GABRA5: variants seen among roughly 807,000 people sequenced by gnomAD.
The protein encoded by GABRA5 is gamma-aminobutyric acid receptor subunit alpha-5.
A neutral mutation model predicts 47.3 loss-of-function variants in GABRA5; 18 were observed. That is an observed-to-expected ratio of 0.38 (90% CI 0.26 to 0.56). GABRA5 has a LOEUF of 0.56. GABRA5 is among the 20% of genes least tolerant of loss of function. The pLI is 0.71. For missense variants in GABRA5, 365 were observed against 599.3 expected (o/e 0.61, Z 4.08); for synonymous variants, 237 against 229.3 (o/e 1.03, Z -0.30).
intron 7 of GABRA5, among the ~76,000 whole-genome samples, chr15:26,918,135 G>C (rs1344909404): frequency 6.6e-6 from 1 of 151,806 alleles, no homozygotes; most frequent in African/African-American, 2.4e-5. Context: ...AAGGAGTTAG[G>C]TTGTTTATAA....
chr15:26,931,649 A>G (rs1041282788), intron 7 of GABRA5, among the ~76,000 whole-genome samples: 1 of 152,232 alleles, frequency 6.6e-6, no homozygotes. Flanking sequence ...CTTTTGGAAA[A>G]TTGGGTTAAA....
At chr15:26,885,298 C>CAAA (rs56883238) in intron 6 of GABRA5, among the ~76,000 whole-genome samples, 28 of 105,582 alleles carry the variant, frequency 2.7e-4, no homozygotes, top group African/African-American at 8.0e-4. Flanking sequence ...GACTCCGTTT[C>CAAA]AAAAAAAAAA....
At chr15:26,889,491 G>A (rs1317328485) in intron 6 of GABRA5, among the ~76,000 whole-genome samples, 4 of 151,824 alleles carry the variant, frequency 2.6e-5, no homozygotes, top group Admixed American at 1.3e-4. Context: ...TTCCTTAAAC[G>A]GCCACTTGAG....
intron 6 of GABRA5, among the ~76,000 whole-genome samples, chr15:26,897,396 G>A (rs1893224341): frequency 6.6e-6 from 1 of 152,104 alleles, no homozygotes; most frequent in Non-Finnish European, 1.5e-5. Context: ...TGCAAGCCAA[G>A]CACAGAGGCC....
intron 7 of GABRA5, among the ~76,000 whole-genome samples, chr15:26,934,735 G>A (rs1033733978): frequency 6.6e-6 from 1 of 152,180 alleles, no homozygotes; most frequent in Non-Finnish European, 1.5e-5. Flanking sequence ...GGTAGTGAGT[G>A]TCAGGCCCAT....
At position 26,933,263 on chromosome 15, in the gene GABRA5, G is replaced by A. The variant is rs182139162; in HGVS notation, c.581-3922G>A. On this transcript the variant is annotated intron_variant, in intron 7 of 10. Coordinates refer to ENST00000335625, the MANE Select transcript of GABRA5 (RefSeq NM_000810.4). The stretch of plus-strand genomic sequence containing the variant: ...GCAGGGTGGTGGCCAGATATGAAAA[G>A]TGGATGTAGAGGGGAAAAGAGGGAC... Among the ~76,000 whole-genome samples, 8 of 152,300 alleles carry A rather than the reference G, an allele frequency of 5.3e-5. No homozygotes were observed. In the East Asian group the frequency reaches 1.4e-3, roughly 26 times the overall value.
rs1221120192 is a variant in GABRA5 at position 26,924,698 on chromosome 15, G to A, written c.580+9813G>A. On this transcript the variant is annotated intron_variant, in intron 7 of 10. Coordinates refer to ENST00000335625, the MANE Select transcript of GABRA5 (RefSeq NM_000810.4). The stretch of plus-strand genomic sequence containing the variant: ...TTCAGCATTTGCTAGCCTGGAATAG[G>A]GCAGGGCCACGTTTTTTGGGGGGAT... 3.3e-5 allele frequency among the ~76,000 whole-genome samples: 5 copies of A among 152,300 alleles called. No homozygotes were observed. The East Asian group carries it at 9.7e-4, about 29-fold the overall frequency.
In GABRA5 at chr15:26,888,992, G is replaced by A. The variant is rs140455459; in HGVS notation, c.497+5435G>A. Reference sequence around the variant, plus strand: ...CTGCTCCACCCAAGGTCACTTGCCCGTGCCTGTTTAATAGAAAGATCTGGG... The same window carrying A: ...CTGCTCCACCCAAGGTCACTTGCCCATGCCTGTTTAATAGAAAGATCTGGG... On this transcript the variant is annotated intron_variant, in intron 6 of 10. Transcript: ENST00000335625. 3.6e-3 allele frequency among the ~76,000 whole-genome samples: 544 copies of A among 152,312 alleles called. 4 individuals carry two copies. The highest frequency in any genetic ancestry group is 0.012 in the African/African-American group (517 of 41,574).
At chr15:26,869,146 C>T (rs1019683188) in intron 2 of GABRA5, 29 bp from the exon 3 acceptor site, 30 of 751,194 alleles carry the variant, frequency 4.0e-5, no homozygotes, top group South Asian at 2.6e-4. Context: ...TTGATGTTCA[C>T]GTGCTTCCCC....
chr15:26,948,261 G>A lies in GABRA5; in HGVS notation c.*28G>A, dbSNP rs761394423. ...GGCCACACTCCCAAACTCCAAGACA[G>A]CCATACTTCCAGCGAAATGGTACCA... On this transcript the variant is annotated 3_prime_UTR_variant, in exon 11 of 11. Coordinates refer to ENST00000335625, the MANE Select transcript of GABRA5 (RefSeq NM_000810.4). 1.9e-6 allele frequency: 3 copies of A among 1,599,536 alleles called. No homozygotes were observed. The South Asian group carries it at 3.4e-5, about 18-fold the overall frequency.
At chr15:26,894,453 T>TC (rs984219079) in intron 6 of GABRA5, among the ~76,000 whole-genome samples, 2 of 151,964 alleles carry the variant, frequency 1.3e-5, no homozygotes, top group African/African-American at 4.8e-5. Flanking sequence ...GGCCCCTCCT[T>TC]CCCCCCGGGC....
intron 7 of GABRA5, among the ~76,000 whole-genome samples, chr15:26,935,308 G>A (rs775688114): frequency 1.6e-4 from 24 of 152,224 alleles, no homozygotes; most frequent in Non-Finnish European, 2.8e-4. Flanking sequence ...ACAAGATCAC[G>A]TGAATTATGA....
At chr15:26,910,367 C>T (rs912689440) in intron 6 of GABRA5, among the ~76,000 whole-genome samples, 1 of 151,890 alleles carries the variant, frequency 6.6e-6, no homozygotes, top group Non-Finnish European at 1.5e-5. Flanking sequence ...TTTGGGAGGC[C>T]GAGGCAGGTG....
rs77007127 is a variant in GABRA5, at chr15:26,939,341, T to C, written c.725-584T>C. 105 of 765,168 alleles carry C rather than the reference T, an allele frequency of 1.4e-4. No homozygotes were observed. Among genetic ancestry groups the C allele is most frequent in the Non-Finnish European group, 2.3e-4 (98 of 417,902 alleles). 47.4% of individuals were successfully genotyped at this position (765,168 alleles called of 1,614,324 possible). On this transcript the variant is annotated intron_variant, in intron 8 of 10. Transcript: ENST00000335625. ...AGAGAAGGCACTGGGGCATCGCCAA[T>C]GAAATGCCCCCGATTTCAAAGAACA...
chr15:26,945,254 C>T (rs1311000834), intron 10 of GABRA5, among the ~76,000 whole-genome samples: 4 of 152,208 alleles, frequency 2.6e-5, no homozygotes, highest in African/African-American at 4.8e-5. Flanking sequence ...CCTCACACCC[C>T]GCGGTCAGAC....
chr15:26,881,622 G>A (rs1343450682), intron 4 of GABRA5, among the ~76,000 whole-genome samples: 1 of 152,230 alleles, frequency 6.6e-6, no homozygotes, highest in African/African-American at 2.4e-5. Flanking sequence ...TGTGGAGTCT[G>A]AACTTGTTGG....
At position 26,943,285 on chromosome 15, in the gene GABRA5, C is replaced by T. The variant is rs545022617; in HGVS notation, c.948C>T (p.Tyr316=). The part of the protein sequence containing the change: ...SARNSLPKVA[Y]ATAMDWFIAV... Reference sequence around the variant, plus strand: ...GGAACTCTCTGCCCAAAGTGGCCTACGCCACCGCCATGGACTGGTTCATAG... The same window carrying T: ...GGAACTCTCTGCCCAAAGTGGCCTATGCCACCGCCATGGACTGGTTCATAG... Residue 316 remains tyrosine (Y), a synonymous_variant, in exon 10 of 11, where the codon TAC becomes TAT. Coordinates refer to ENST00000335625, the MANE Select transcript of GABRA5 (RefSeq NM_000810.4). 36 of 1,573,666 alleles carry T rather than the reference C, an allele frequency of 2.3e-5. No individual in the cohort carries two copies. Among genetic ancestry groups the T allele is most frequent in the African/African-American group, 2.2e-4 (16 of 73,914 alleles).
chr15:26,930,006 C>CTTTTTTTTTTTTTT lies in GABRA5; in HGVS notation c.581-7176_581-7163dup, dbSNP rs72082419. 2.8e-4 allele frequency among the ~76,000 whole-genome samples: 32 copies of CTTTTTTTTTTTTTT among 113,364 alleles called. No homozygotes were observed. The East Asian group carries it at 5.1e-3, about 18-fold the overall frequency. The allele number at this position is 113,364 out of a possible 152,430, so 74.4% of individuals were successfully genotyped here. The stretch of plus-strand genomic sequence containing the variant: ...CTTTCTTCTTCTTCTTCTTCTTCTT[C>CTTTTTTTTTTTTTT]TTTTTTTTTTTTTTTTGTTTTTTGT... On this transcript the variant is annotated intron_variant, in intron 7 of 10. Coordinates refer to ENST00000335625, the MANE Select transcript of GABRA5 (RefSeq NM_000810.4).
intron 6 of GABRA5, among the ~76,000 whole-genome samples, chr15:26,910,627 T>C (rs1566876982): frequency 6.6e-6 from 1 of 151,672 alleles, no homozygotes; most frequent in African/African-American, 2.4e-5. Flanking sequence ...CATTTCCTTA[T>C]CCTAAAATCA....
Sources: allele counts gnomAD v4.1 joint callset (sites outside exome capture counted in the v4.1 genomes callset), GRCh38; gene constraint gnomAD v4.1.1; transcripts MANE v1.5; gene names NCBI Gene and HGNC (gene_info 2026-07-23, HGNC 2026-07-21).